Variants in TNIP3 observed in about 807,000 individuals in gnomAD.
TNIP3 encodes TNFAIP3-interacting protein 3.
Under a neutral mutation model 54.1 loss-of-function variants are expected in TNIP3, and 34 were observed. The observed-to-expected ratio is 0.63, with a 90% CI of 0.48 to 0.84. TNIP3 has a LOEUF of 0.84. Ranked by LOEUF, TNIP3 falls within the 40% of genes least tolerant of loss-of-function variation. The pLI is 0.00. For missense variants in TNIP3, 366 were observed against 387.6 expected (o/e 0.94, Z 0.47); for synonymous variants, 134 against 136.8 (o/e 0.98, Z 0.14).
chr4:121,171,806 C>T (rs969692336), intron 3 of TNIP3, among the ~76,000 whole-genome samples: 2 of 152,178 alleles, frequency 1.3e-5, no homozygotes, highest in Non-Finnish European at 2.9e-5. Context: ...TCTTGGCTCA[C>T]CGCAACCTCT....
At position 121,186,023 on chromosome 4, in the gene TNIP3, C is replaced by T. The variant is rs1042553992; in HGVS notation, c.69-3227G>A. On this transcript the variant is annotated intron_variant, in intron 2 of 12. Coordinates refer to the TNIP3 transcript ENST00000507879. ...GATCAGCCTCAGAGCTGGGGCCCTG[C>T]GTCCTCTCACGTGAGCCTGGTTCAG... is the stretch of plus-strand genomic sequence containing the variant. 1.1e-4 allele frequency among the ~76,000 whole-genome samples: 16 copies of T among 152,316 alleles called. 1 individual carries two copies. Among genetic ancestry groups the T allele is most frequent in the African/African-American group, 2.4e-4 (10 of 41,564 alleles).
upstream of TNIP3, among the ~76,000 whole-genome samples, chr4:121,219,804 A>C (rs748630534): frequency 4.6e-5 from 7 of 152,210 alleles, no homozygotes; most frequent in Non-Finnish European, 8.8e-5. Context: ...AATCAAATGC[A>C]TGAAAACTTA....
upstream of TNIP3, among the ~76,000 whole-genome samples, chr4:121,166,549 G>GTCTTCATT (rs1730776842): frequency 6.6e-6 from 1 of 152,162 alleles, no homozygotes; most frequent in Non-Finnish European, 1.5e-5. Flanking sequence ...GTTGTGAAGA[G>GTCTTCATT]TCTTCATTTC....
At chr4:121,216,047 C>A (rs182435699) in intron 2 of TNIP3, among the ~76,000 whole-genome samples, 4 of 152,042 alleles carry the variant, frequency 2.6e-5, no homozygotes, top group Admixed American at 1.3e-4. Flanking sequence ...TTAAGCAAAT[C>A]AGGAGAAAAG....
At chr4:121,154,000 A>AACAC (rs112783146) in intron 5 of TNIP3, among the ~76,000 whole-genome samples, 3,350 of 149,280 alleles carry the variant, frequency 0.022, 67 homozygotes, top group Admixed American at 0.036. Context: ...TCCATAAAAC[A>AACAC]ACACACACAC....
chr4:121,137,875 T>C (rs1036847366), intron 10 of TNIP3: 11 of 451,436 alleles, frequency 2.4e-5, no homozygotes, highest in Admixed American at 4.8e-5. Flanking sequence ...ACTTTAAACA[T>C]GTAGCAGACA....
At chr4:121,203,262 A>T (rs62321502) in intron 2 of TNIP3, among the ~76,000 whole-genome samples, 10 of 123,148 alleles carry the variant, frequency 8.1e-5, no homozygotes, top group South Asian at 5.6e-4. Flanking sequence ...GATAGATAGA[A>T]AGATACCATG....
At chr4:121,182,780 G>T in exon 3 of TNIP3, 1 of 1,534,084 alleles carries the variant, frequency 6.5e-7, no homozygotes, top group South Asian at 1.2e-5. Context: ...TTTTTGTCCA[G>T]CTCCATGCTT....
At chr4:121,142,150 A>G (rs1213666102) in intron 8 of TNIP3, among the ~76,000 whole-genome samples, 1 of 152,118 alleles carries the variant, frequency 6.6e-6, no homozygotes. Context: ...GAAATTAGAC[A>G]CACTTGAAAA....
At chr4:121,148,937 T>C (rs1195861822) in intron 6 of TNIP3, among the ~76,000 whole-genome samples, 1 of 152,216 alleles carries the variant, frequency 6.6e-6, no homozygotes, top group Non-Finnish European at 1.5e-5. Context: ...CTCCCATTGC[T>C]AATATGTTAC....
chr4:121,144,149 A>C (rs370087414), intron 7 of TNIP3, among the ~76,000 whole-genome samples: 12 of 152,326 alleles, frequency 7.9e-5, no homozygotes, highest in South Asian at 6.2e-4. Flanking sequence ...GATAGACTGT[A>C]CATGTCTCTT....
chr4:121,164,223 A>T lies in TNIP3; in HGVS notation c.-98T>A, dbSNP rs1730634878. 2.5e-6 allele frequency: 4 copies of T among 1,580,766 alleles called. No individual in the cohort carries two copies. The highest frequency in any genetic ancestry group is 1.2e-5 in the South Asian group (1 of 86,924). On this transcript the variant is annotated 5_prime_UTR_variant, in exon 1 of 11. An upstream open reading frame in the 5' UTR loses its in-frame stop. Coordinates refer to ENST00000057513, the MANE Select transcript of TNIP3 (RefSeq NM_024873.6). ...GGGTGAGAGCAAGTATACAAAATTTAAAAAACACACATCACCGTTAACTCA... is the reference window on the plus strand; with the variant it reads ...GGGTGAGAGCAAGTATACAAAATTTTAAAAACACACATCACCGTTAACTCA...
intron 7 of TNIP3, among the ~76,000 whole-genome samples, chr4:121,143,615 C>T (rs1338813116): frequency 3.3e-5 from 5 of 152,144 alleles, no homozygotes; most frequent in Non-Finnish European, 5.9e-5. Flanking sequence ...AAAGTCACCA[C>T]GGACACTGAA....
intron 2 of TNIP3, among the ~76,000 whole-genome samples, chr4:121,198,634 A>G (rs1725725844): frequency 6.6e-6 from 1 of 152,242 alleles, no homozygotes; most frequent in South Asian, 2.1e-4. Flanking sequence ...TTGCCTCTAA[A>G]CAAACTTATA....
At chr4:121,171,474 A>G (rs1723936915) in intron 3 of TNIP3, among the ~76,000 whole-genome samples, 2 of 152,266 alleles carry the variant, frequency 1.3e-5, no homozygotes, top group African/African-American at 2.4e-5. Context: ...ACTTTCCTAC[A>G]TGTTTGAAAT....
chr4:121,171,440 T>C (rs750428875), intron 3 of TNIP3, among the ~76,000 whole-genome samples: 7 of 152,200 alleles, frequency 4.6e-5, no homozygotes, highest in Non-Finnish European at 7.4e-5. Flanking sequence ...GGTGGGTATA[T>C]GTGTATACCA....
At chr4:121,200,455 C>T (rs1354812407) in intron 2 of TNIP3, among the ~76,000 whole-genome samples, 1 of 152,056 alleles carries the variant, frequency 6.6e-6, no homozygotes, top group East Asian at 1.9e-4. Flanking sequence ...TTCTGAGCAA[C>T]GTTTTTCATC....
intron 2 of TNIP3, among the ~76,000 whole-genome samples, chr4:121,213,676 G>C (rs905356688): frequency 2.0e-5 from 3 of 149,376 alleles, no homozygotes; most frequent in Non-Finnish European, 4.4e-5. Context: ...GCAGTGAGTC[G>C]AGATCGTGCC....
chr4:121,217,615 A>G (rs1460829823), upstream of TNIP3, among the ~76,000 whole-genome samples: 1 of 152,238 alleles, frequency 6.6e-6, no homozygotes, highest in Non-Finnish European at 1.5e-5. Context: ...GCAAAATTGC[A>G]AAACTGCCCA....
Sources: gnomAD v4.1 joint callset for allele counts (sites outside exome capture counted in the v4.1 genomes callset) on GRCh38, gnomAD v4.1.1 for gene constraint, MANE v1.5 for transcripts, NCBI Gene and HGNC (gene_info 2026-07-23, HGNC 2026-07-21) for gene names.